FAT2: variants seen among roughly 807,000 people sequenced by gnomAD.
FAT2 encodes FAT atypical cadherin 2.
A neutral mutation model predicts 295.3 loss-of-function variants in FAT2; 150 were observed. That is an observed-to-expected ratio of 0.51 (90% CI 0.44 to 0.58). The LOEUF (loss-of-function observed/expected upper bound fraction) is 0.58. Among genes scored for constraint, FAT2 ranks in the 20% least tolerant of loss-of-function variants. The pLI, the probability that FAT2 is intolerant of heterozygous loss-of-function variation, is 0.00. For synonymous variants in FAT2, 2,026 were observed against 2,150.3 expected (o/e 0.94, Z 1.60); for missense variants, 4,868 against 5,442.7 (o/e 0.89, Z 3.32).
chr5:151,507,736 C>T (rs1761010644), intron 22 of FAT2, 125 bp from the exon 23 acceptor site: 3 of 836,274 alleles, frequency 3.6e-6, no homozygotes, highest in Admixed American at 2.9e-5. Context: ...TTTCACCCCC[C>T]AAAAAAGTAA....
At chr5:151,518,245 C>T (rs1249243719) in intron 19 of FAT2, among the ~76,000 whole-genome samples, 1 of 151,842 alleles carries the variant, frequency 6.6e-6, no homozygotes. Flanking sequence ...TACATCCTCT[C>T]AGCTGAGGCA....
upstream of FAT2, among the ~76,000 whole-genome samples, chr5:151,592,211 G>A (rs971135202): frequency 2.6e-5 from 4 of 152,164 alleles, no homozygotes; most frequent in African/African-American, 4.8e-5. Flanking sequence ...TAAGGGAAAG[G>A]GAGAAGAGTT....
At chr5:151,517,859 C>T in intron 19 of FAT2, 94 bp from the exon 20 acceptor site, 1 of 1,447,616 alleles carries the variant, frequency 6.9e-7, no homozygotes, top group Non-Finnish European at 9.5e-7. Context: ...GGGTGGCAGA[C>T]AGAATCATTG....
At chr5:151,530,300 C>T (rs941924081) in intron 14 of FAT2, among the ~76,000 whole-genome samples, 3 of 150,460 alleles carry the variant, frequency 2.0e-5, no homozygotes, top group African/African-American at 7.3e-5. Flanking sequence ...AGACATGATG[C>T]AAACAGCATA....
chr5:151,574,091 G>A (rs1561883020), intron 1 of FAT2, among the ~76,000 whole-genome samples: 1 of 152,156 alleles, frequency 6.6e-6, no homozygotes, highest in Non-Finnish European at 1.5e-5. Flanking sequence ...CAATGGCAGC[G>A]AAGGGATTTC....
rs1341438777 is a variant in FAT2 at position 151,551,577 on chromosome 5, C to T, written c.4186G>A (p.Glu1396Lys). Residue 1396 changes from glutamate to lysine, a missense_variant, in exon 7 of 24, where the codon GAG becomes AAG. Glu to Lys is a moderately conservative substitution (Grantham distance 56). Around this residue, in one of 5 missense-constraint regions of FAT2, gnomAD observed 3,297 missense variants for 3,669.4 expected, o/e 0.90. Transcript: ENST00000261800. ...GGDKDMDFDI[E>K]KTTGSIVIAR... ...ATGACGATGCTGCCTGTGGTCTTCT[C>T]AATGTCAAAGTCCATGTCCTTATCC... 1.9e-6 allele frequency: 3 copies of T among 1,614,216 alleles called. No homozygotes were observed. The highest frequency in any genetic ancestry group is 1.7e-6 in the Non-Finnish European group (2 of 1,180,030).
intron 12 of FAT2, among the ~76,000 whole-genome samples, chr5:151,537,340 AAAG>A (rs375994500): frequency 0.018 from 2,441 of 134,888 alleles, 35 homozygotes; most frequent in East Asian, 0.082. Flanking sequence ...AAAGAAAAGA[AAAG>A]AAAAGAAAAA....
At chr5:151,508,535 C>T (rs1761066480) in intron 22 of FAT2, among the ~76,000 whole-genome samples, 1 of 151,872 alleles carries the variant, frequency 6.6e-6, no homozygotes, top group Non-Finnish European at 1.5e-5. Flanking sequence ...TATGGTGAAA[C>T]CCCGTATCTA....
At chr5:151,529,501 A>G in intron 14 of FAT2, 109 bp from the exon 15 acceptor site, 1 of 837,014 alleles carries the variant, frequency 1.2e-6, no homozygotes, top group African/African-American at 1.7e-5. Flanking sequence ...GGGCTAGGCA[A>G]GGTAAGTGTC....
At chr5:151,529,905 C>T (rs1242801817) in intron 14 of FAT2, among the ~76,000 whole-genome samples, 1 of 152,182 alleles carries the variant, frequency 6.6e-6, no homozygotes, top group African/African-American at 2.4e-5. Flanking sequence ...AATAAAAGAA[C>T]AAGGATTTAT....
Position 151,540,554 on chromosome 5 carries a change from G to T in FAT2, c.9039+13C>A. On this transcript the variant is annotated intron_variant, in intron 11 of 23. Transcript: ENST00000261800. ...GCCTTCACTACCCACTCCACCCCTCGCCAGGCTCTCACCTGTGAACACTGT... is the reference window on the plus strand; with the variant it reads ...GCCTTCACTACCCACTCCACCCCTCTCCAGGCTCTCACCTGTGAACACTGT... The T allele has an allele frequency of 1.1e-5, 17 of 1,593,886 alleles. No homozygotes were observed. The highest frequency in any genetic ancestry group is 1.3e-5 in the African/African-American group (1 of 74,372).
intron 1 of FAT2, among the ~76,000 whole-genome samples, chr5:151,587,357 A>G (rs1759219378): frequency 1.3e-5 from 2 of 152,086 alleles, no homozygotes; most frequent in African/African-American, 4.8e-5. Flanking sequence ...GGGGCCTTCA[A>G]TGATCTGGCC....
rs774114780 is a variant in FAT2, at chr5:151,542,771, G to C, written c.8356C>G (p.Gln2786Glu). 1 of 1,614,232 alleles carries C rather than the reference G, an allele frequency of 6.2e-7. No homozygotes were observed. The highest frequency in any genetic ancestry group is 8.5e-7 in the Non-Finnish European group (1 of 1,180,042). Residue 2786 changes from glutamine to glutamate, a missense_variant, in exon 10 of 24, where the codon CAA becomes GAA. Gln to Glu is a conservative substitution (Grantham distance 29). This residue lies in a region of FAT2 where 3,297 missense variants were observed against 3,669.4 expected (regional missense o/e 0.90). Transcript: ENST00000261800. Reference sequence around the variant, plus strand: ...CTATTGTCATTGACGTCTCCCACTTGGATGTTGACAGAGACCAAGGACACC... The same window carrying C: ...CTATTGTCATTGACGTCTCCCACTTCGATGTTGACAGAGACCAAGGACACC... ...DVVSLVSVNIQVGDVNDNRPV... is the reference protein window; with the variant it reads ...DVVSLVSVNIEVGDVNDNRPV...
chr5:151,516,795 G>T (rs1752917345), intron 20 of FAT2, among the ~76,000 whole-genome samples: 1 of 152,112 alleles, frequency 6.6e-6, no homozygotes, highest in South Asian at 2.1e-4. Context: ...GCCAAAGTTG[G>T]CTTTCTCTTT....
intron 3 of FAT2, among the ~76,000 whole-genome samples, chr5:151,560,478 G>T (rs1014882068): frequency 1.3e-5 from 2 of 152,070 alleles, no homozygotes; most frequent in Non-Finnish European, 2.9e-5. Flanking sequence ...CACCTGTGTC[G>T]TCACCCTCGC....
intron 1 of FAT2, among the ~76,000 whole-genome samples, chr5:151,574,514 A>G (rs1454863309): frequency 6.6e-6 from 1 of 152,260 alleles, no homozygotes; most frequent in Non-Finnish European, 1.5e-5. Context: ...CATTCTAGGT[A>G]TCTGCTAGTC....
chr5:151,565,856 T>C lies in FAT2; in HGVS notation c.3076A>G (p.Asn1026Asp). 1 of 1,613,866 alleles carries C rather than the reference T, an allele frequency of 6.2e-7. No individual in the cohort carries two copies. Among genetic ancestry groups the C allele is most frequent in the Non-Finnish European group, 8.5e-7 (1 of 1,179,976 alleles). ...VEVIVLDVNE[N>D]LHPPHFASFV... The stretch of plus-strand genomic sequence containing the variant: ...GAGGCAAAGTGGGGAGGGTGGAGAT[T>C]CTCATTCACATCCAGGACGATCACC... Residue 1026 changes from asparagine (N) to aspartate (D), a missense_variant, in exon 2 of 24, where the codon AAT becomes GAT. By Grantham distance (23) the Asn-to-Asp change is conservative. This residue lies in a region of FAT2 where 3,297 missense variants were observed against 3,669.4 expected (regional missense o/e 0.90). Coordinates refer to ENST00000261800, the MANE Select transcript of FAT2 (RefSeq NM_001447.3).
In FAT2 at chr5:151,546,250, T is replaced by A. The variant is rs577417745; in HGVS notation, c.4877A>T (p.His1626Leu). The change falls in exon 10 of 24, where the codon CAT (histidine) becomes CTT (leucine). Residue 1626 changes from histidine to leucine, a missense_variant. Physicochemically the swap from His to Leu is moderately conservative, Grantham distance 99. Coordinates refer to ENST00000261800, the MANE Select transcript of FAT2 (RefSeq NM_001447.3). ...ATCTTCTGCCTTCACTGTCAGAGTA[T>A]GTGGGGCATGATTTGCCTGATCAAG... is the stretch of plus-strand genomic sequence containing the variant. Reference protein sequence around the residue: ...QKLDQANHAPHTLTVKAEDQG... With the variant: ...QKLDQANHAPLTLTVKAEDQG... 1 of 1,614,168 alleles carries A rather than the reference T, an allele frequency of 6.2e-7. No individual in the cohort carries two copies. The highest frequency in any genetic ancestry group is 2.2e-5 in the East Asian group (1 of 44,876).
chr5:151,565,641 C>T, intron 2 of FAT2, 32 bp downstream of exon 2: 3 of 1,527,622 alleles, frequency 2.0e-6, no homozygotes, highest in Non-Finnish European at 2.6e-6. Context: ...TACCTCTGGC[C>T]CTGGCACCCC....
Sources: gnomAD v4.1 joint callset for allele counts (sites outside exome capture counted in the v4.1 genomes callset) on GRCh38, gnomAD v4.1.1 for gene constraint, gnomAD v4.1.1 regional missense constraint, MANE v1.5 for transcripts, NCBI Gene and HGNC (gene_info 2026-07-23, HGNC 2026-07-21) for gene names.